Variants in NPEPPS observed in about 807,000 individuals in gnomAD.
NPEPPS encodes aminopeptidase puromycin sensitive, also known as puromycin-sensitive aminopeptidase.
In NPEPPS, 14 loss-of-function variants were observed where a neutral mutation model predicts 115.5. The observed-to-expected ratio is 0.12, with a 90% CI of 0.08 to 0.19. NPEPPS has a LOEUF of 0.19. NPEPPS is among the 10% of genes least tolerant of loss of function. NPEPPS has a pLI of 1.00. For synonymous variants in NPEPPS, 285 were observed against 390.6 expected (o/e 0.73, Z 3.19); for missense variants, 523 against 1,110.8 (o/e 0.47, Z 7.52).
intron 2 of NPEPPS, 42 bp from the exon 3 acceptor site, chr17:47,569,375 A>T (rs1349570698): frequency 1.6e-6 from 2 of 1,284,150 alleles, no homozygotes; most frequent in Middle Eastern, 1.9e-4. Flanking sequence ...TCGTCTTGTC[A>T]GTCCAGTCAG....
intron 3 of NPEPPS, among the ~76,000 whole-genome samples, chr17:47,571,913 A>G (rs1024579699): frequency 6.6e-6 from 1 of 152,140 alleles, no homozygotes; most frequent in Non-Finnish European, 1.5e-5. Context: ...TCAGTGGCTT[A>G]TAACCACTGA....
intron 2 of NPEPPS, among the ~76,000 whole-genome samples, chr17:47,558,510 A>G (rs3968307): frequency 2.6e-5 from 4 of 151,770 alleles, no homozygotes; most frequent in South Asian, 4.2e-4. Flanking sequence ...GCTCACTGCA[A>G]TCTTTGCCTC....
chr17:47,613,809 GAC>G (rs1378255062), intron 19 of NPEPPS, 84 bp downstream of exon 19: 2 of 990,492 alleles, frequency 2.0e-6, no homozygotes, highest in Non-Finnish European at 3.1e-6. Context: ...TAAAAAAAAA[GAC>G]AGTCCTAGAA....
intron 19 of NPEPPS, 67 bp downstream of exon 19, chr17:47,613,792 A>C: frequency 5.2e-6 from 6 of 1,145,726 alleles, no homozygotes; most frequent in Middle Eastern, 2.9e-4. Flanking sequence ...GTAAACCTCT[A>C]AATGGTTAAA....
chr17:47,556,063 A>G, intron 2 of NPEPPS, among the ~76,000 whole-genome samples: 1 of 138,470 alleles, frequency 7.2e-6, no homozygotes, highest in Middle Eastern at 3.6e-3. Context: ...TCCCGGGTTC[A>G]AGCAATTCTC....
At position 47,565,265 on chromosome 17, in the gene NPEPPS, C is replaced by T. The variant is rs556192204; in HGVS notation, c.341-4152C>T. 2.6e-5 allele frequency among the ~76,000 whole-genome samples: 4 copies of T among 152,180 alleles called. No individual in the cohort carries two copies. The South Asian group carries it at 8.3e-4, about 32-fold the overall frequency. On this transcript the variant is annotated intron_variant, in intron 2 of 22. Coordinates refer to ENST00000322157, the MANE Select transcript of NPEPPS (RefSeq NM_006310.4). ...GTGGCTTACACCTGTAATCCCAACA[C>T]TTTGGGAGGCCGAGGCTGGTGGATC...
At chr17:47,594,441 G>A (rs1038753048) in intron 12 of NPEPPS, among the ~76,000 whole-genome samples, 16 of 134,906 alleles carry the variant, frequency 1.2e-4, no homozygotes, top group Non-Finnish European at 1.7e-4. Flanking sequence ...ACAGAGTTTC[G>A]CTCTTGTTGC....
At chr17:47,538,915 G>A (rs1452885447) in intron 1 of NPEPPS, among the ~76,000 whole-genome samples, 1 of 152,028 alleles carries the variant, frequency 6.6e-6, no homozygotes, top group African/African-American at 2.4e-5. Flanking sequence ...TGCCTGTTGT[G>A]CAATTTCTTC....
At chr17:47,556,043 A>T (rs1213003580) in intron 2 of NPEPPS, among the ~76,000 whole-genome samples, 10 of 139,294 alleles carry the variant, frequency 7.2e-5, no homozygotes, top group Non-Finnish European at 1.5e-4. Context: ...GGCTCACTAC[A>T]ACCTCTGCCT....
chr17:47,605,756 G>C (rs1342375318), intron 17 of NPEPPS, among the ~76,000 whole-genome samples: 5 of 152,310 alleles, frequency 3.3e-5, no homozygotes, highest in African/African-American at 9.6e-5. Context: ...ATGTGTGTTC[G>C]ATGCTAAATA....
intron 1 of NPEPPS, among the ~76,000 whole-genome samples, chr17:47,542,543 T>G (rs1908840697): frequency 9.8e-6 from 1 of 102,018 alleles, no homozygotes; most frequent in Non-Finnish European, 1.9e-5. Flanking sequence ...CGAAGCTCCG[T>G]CTCAAAAAAA....
chr17:47,546,449 A>T (rs1909224999), intron 2 of NPEPPS, among the ~76,000 whole-genome samples: 1 of 152,194 alleles, frequency 6.6e-6, no homozygotes, highest in South Asian at 2.1e-4. Context: ...GAAAAAGGGT[A>T]AAATGTTTAT....
rs905024710 is a variant in NPEPPS at position 47,531,558 on chromosome 17, A to T, written c.255+3A>T. The T allele has an allele frequency of 6.3e-7, 1 of 1,599,678 alleles. No homozygotes were observed. The highest frequency in any genetic ancestry group is 8.5e-7 in the Non-Finnish European group (1 of 1,175,000). ...GCAAGCTGGAGGCCGCCGCCCAGGT[A>T]CAGCGACCCTCGGGCCCCGGGGCAA... On this transcript the variant is annotated splice_donor_region_variant and intron_variant, in intron 1 of 22. Coordinates refer to ENST00000322157, the MANE Select transcript of NPEPPS (RefSeq NM_006310.4).
chr17:47,607,191 C>CA (rs543009120), intron 17 of NPEPPS, among the ~76,000 whole-genome samples: 23 of 148,162 alleles, frequency 1.6e-4, no homozygotes, highest in Non-Finnish European at 2.7e-4. Context: ...GACTCCATCT[C>CA]AAAAAAAAAG....
At chr17:47,569,527 T>C (rs903930210) in intron 3 of NPEPPS, 33 bp downstream of exon 3, 5 of 952,812 alleles carry the variant, frequency 5.2e-6, no homozygotes, top group Admixed American at 2.2e-5. Flanking sequence ...AATCTCGTGA[T>C]GAATATAGTG....
chr17:47,565,819 CAAA>C (rs144501965), intron 2 of NPEPPS, among the ~76,000 whole-genome samples: 4 of 112,876 alleles, frequency 3.5e-5, no homozygotes, highest in Non-Finnish European at 1.9e-5. Context: ...GACCCTGTCT[CAAA>C]AAAAAAAAAA....
At chr17:47,568,214 A>C (rs1409044167) in intron 2 of NPEPPS, among the ~76,000 whole-genome samples, 1 of 146,236 alleles carries the variant, frequency 6.8e-6, no homozygotes, top group Non-Finnish European at 1.5e-5. Flanking sequence ...CCCAGGCTGG[A>C]GTACAGTGGC....
In NPEPPS at chr17:47,549,639, G is replaced by A. The variant is rs147994591; in HGVS notation, c.340+3646G>A. Among the ~76,000 whole-genome samples the A allele has an allele frequency of 6.1e-4, 92 of 151,744 alleles. No individual in the cohort carries two copies. In the East Asian group the frequency reaches 0.018, roughly 30 times the overall value. On this transcript the variant is annotated intron_variant, in intron 2 of 22. Coordinates refer to ENST00000322157, the MANE Select transcript of NPEPPS (RefSeq NM_006310.4). ...TACTAAAAACACAAAAATTAGCTGG[G>A]CGTGGTGGCAGGCACCTGTAATTCC...
chr17:47,622,019 T>G lies in NPEPPS; in HGVS notation c.*99T>G. The G allele has an allele frequency of 1.4e-6, 2 of 1,406,078 alleles. No individual in the cohort carries two copies. Among genetic ancestry groups the G allele is most frequent in the Non-Finnish European group, 1.9e-6 (2 of 1,070,420 alleles). 87.1% of individuals were successfully genotyped at this position (1,406,078 alleles called of 1,614,324 possible). A position where few individuals can be genotyped will look rare whatever the true frequency, so the allele number is the denominator to read the frequency against. On this transcript the variant is annotated 3_prime_UTR_variant, in exon 23 of 23. Coordinates refer to ENST00000322157, the MANE Select transcript of NPEPPS (RefSeq NM_006310.4). The stretch of plus-strand genomic sequence containing the variant: ...CATATGCCAAGAATTTGGAGTCTTC[T>G]TTCAAACCAGTGGGGGTTGGACAAT...
Sources: gnomAD v4.1 joint callset for allele counts (sites outside exome capture counted in the v4.1 genomes callset) on GRCh38, gnomAD v4.1.1 for gene constraint, MANE v1.5 for transcripts, NCBI Gene and HGNC (gene_info 2026-07-23, HGNC 2026-07-21) for gene names.